The following ARL15 variants were observed in gnomAD, a reference collection of about 807,000 sequenced individuals.
The protein encoded by ARL15 is ARF like GTPase 15.
In ARL15, 19 loss-of-function variants were observed where a neutral mutation model predicts 25.2. The observed-to-expected ratio is 0.75, with a 90% CI of 0.53 to 1.10. The LOEUF is 1.10. Among genes scored for constraint, ARL15 ranks in the 50% least tolerant of loss-of-function variants. ARL15 has a pLI of 0.00. For missense variants in ARL15, 220 were observed against 246.0 expected (o/e 0.89, Z 0.71); for synonymous variants, 94 against 86.8 (o/e 1.08, Z -0.46).
intron 4 of ARL15, among the ~76,000 whole-genome samples, chr5:53,953,849 T>G (rs892854837): frequency 2.0e-5 from 3 of 152,198 alleles, no homozygotes; most frequent in South Asian, 2.1e-4. Context: ...ATAATTATTA[T>G]GTAGGAGCCT....
At chr5:54,202,332 T>C (rs1420764598) in intron 1 of ARL15, among the ~76,000 whole-genome samples, 1 of 152,190 alleles carries the variant, frequency 6.6e-6, no homozygotes, top group Non-Finnish European at 1.5e-5. Context: ...CAAATATTAT[T>C]CTGAATTAAT....
At position 54,259,526 on chromosome 5, in the gene ARL15, G is replaced by A. The variant is rs1365478762; in HGVS notation, c.48+50906C>T. On this transcript the variant is annotated intron_variant, in intron 1 of 4. Transcript: ENST00000504924. ...GAAATTCCCTGAAGTGACGGCAAGTGAAAGAAACAGGTTAGAGATGAGTGG... is the reference window on the plus strand; with the variant it reads ...GAAATTCCCTGAAGTGACGGCAAGTAAAAGAAACAGGTTAGAGATGAGTGG... 3.3e-5 allele frequency among the ~76,000 whole-genome samples: 5 copies of A among 152,140 alleles called. No homozygotes were observed. The East Asian group carries it at 9.6e-4, about 29-fold the overall frequency.
intron 1 of ARL15, among the ~76,000 whole-genome samples, chr5:54,172,599 T>G (rs747126212): frequency 1.2e-4 from 18 of 152,160 alleles, no homozygotes; most frequent in Non-Finnish European, 2.4e-4. Context: ...TACCTCTAAG[T>G]ATTTAGAGGT....
At chr5:53,901,522 G>A (rs1745062778) in intron 4 of ARL15, among the ~76,000 whole-genome samples, 1 of 152,030 alleles carries the variant, frequency 6.6e-6, no homozygotes, top group Non-Finnish European at 1.5e-5. Flanking sequence ...AAAGCTATCA[G>A]TATCTTATAA....
At chr5:53,991,161 G>A (rs1346057195) in intron 4 of ARL15, among the ~76,000 whole-genome samples, 2 of 152,134 alleles carry the variant, frequency 1.3e-5, no homozygotes, top group African/African-American at 4.8e-5. Context: ...ATACTTGGTA[G>A]GGAATATAGA....
At chr5:54,207,754 G>A (rs938384294) in intron 1 of ARL15, among the ~76,000 whole-genome samples, 2 of 152,144 alleles carry the variant, frequency 1.3e-5, no homozygotes, top group East Asian at 1.9e-4. Flanking sequence ...AGAAGCTCAG[G>A]AATGGCTGGA....
At chr5:54,202,965 C>T (rs964822173) in intron 1 of ARL15, among the ~76,000 whole-genome samples, 1 of 152,098 alleles carries the variant, frequency 6.6e-6, no homozygotes, top group Non-Finnish European at 1.5e-5. Context: ...ACCATTTTTC[C>T]ATTATAAGGA....
chr5:54,249,566 G>A (rs1345432161), intron 1 of ARL15, among the ~76,000 whole-genome samples: 3 of 150,992 alleles, frequency 2.0e-5, no homozygotes, highest in Middle Eastern at 6.8e-3. Context: ...AGAAACACTT[G>A]AAGGAGAGTA....
At chr5:54,252,761 A>T (rs985378827) in intron 1 of ARL15, among the ~76,000 whole-genome samples, 1 of 152,118 alleles carries the variant, frequency 6.6e-6, no homozygotes, top group African/African-American at 2.4e-5. Flanking sequence ...GTCTCACTCT[A>T]TCACCCAGGC....
chr5:54,173,453 C>G (rs1024662689), intron 1 of ARL15, among the ~76,000 whole-genome samples: 2 of 152,110 alleles, frequency 1.3e-5, no homozygotes, highest in African/African-American at 4.8e-5. Context: ...ATAAAAAAGC[C>G]TGTGTTGATT....
intron 4 of ARL15, among the ~76,000 whole-genome samples, chr5:53,896,270 G>C (rs1218427404): frequency 6.6e-6 from 1 of 152,150 alleles, no homozygotes; most frequent in African/African-American, 2.4e-5. Flanking sequence ...CTGACCTCAA[G>C]TGATCTGCCT....
chr5:53,887,352 AC>A, intron 4 of ARL15: 1 of 700,718 alleles, frequency 1.4e-6, no homozygotes, highest in Non-Finnish European at 2.6e-6. Flanking sequence ...AAAATCTTCT[AC>A]CTTTTTTTTT....
intron 1 of ARL15, among the ~76,000 whole-genome samples, chr5:54,237,582 T>C (rs1052293534): frequency 6.6e-6 from 1 of 152,192 alleles, no homozygotes; most frequent in Non-Finnish European, 1.5e-5. Flanking sequence ...TAAATTAGTA[T>C]TGTCTATTTA....
chr5:54,104,651 T>A (rs2112189641), intron 4 of ARL15, among the ~76,000 whole-genome samples: 1 of 152,264 alleles, frequency 6.6e-6, no homozygotes, highest in Non-Finnish European at 1.5e-5. Context: ...GCCCTATTCT[T>A]TTTTAACATA....
chr5:53,977,386 A>G (rs1286242125), intron 4 of ARL15, among the ~76,000 whole-genome samples: 12 of 151,776 alleles, frequency 7.9e-5, no homozygotes, highest in Non-Finnish European at 1.3e-4. Context: ...ATTCCCACTA[A>G]TAGTGTTTTG....
intron 4 of ARL15, among the ~76,000 whole-genome samples, chr5:54,112,009 A>C (rs1450831471): frequency 6.6e-6 from 1 of 152,148 alleles, no homozygotes; most frequent in African/African-American, 2.4e-5. Context: ...AATATTATCT[A>C]TAAGGTATTT....
chr5:54,059,797 A>G (rs1161668511), intron 4 of ARL15, among the ~76,000 whole-genome samples: 1 of 152,198 alleles, frequency 6.6e-6, no homozygotes, highest in Non-Finnish European at 1.5e-5. Flanking sequence ...ATTGAGGCAG[A>G]TGGAATTCCA....
chr5:54,309,112 G>A (rs891218693), intron 1 of ARL15, among the ~76,000 whole-genome samples: 6 of 152,248 alleles, frequency 3.9e-5, no homozygotes, highest in Non-Finnish European at 7.4e-5. Flanking sequence ...GATAATCCCC[G>A]TAACCAGCTA....
intron 4 of ARL15, among the ~76,000 whole-genome samples, chr5:53,891,243 A>C (rs1269804410): frequency 1.3e-5 from 2 of 152,198 alleles, no homozygotes; most frequent in East Asian, 3.9e-4. Flanking sequence ...GCAGGGGAAC[A>C]GAACAGTCCA....
Sources: gnomAD v4.1 joint callset for allele counts (sites outside exome capture counted in the v4.1 genomes callset) on GRCh38, gnomAD v4.1.1 for gene constraint, MANE v1.5 for transcripts, NCBI Gene and HGNC (gene_info 2026-07-23, HGNC 2026-07-21) for gene names.